PPIP5K2: variants seen among roughly 807,000 people sequenced by gnomAD.
PPIP5K2 encodes diphosphoinositol pentakisphosphate kinase 2.
Under a neutral mutation model 154.6 loss-of-function variants are expected in PPIP5K2, and 105 were observed. That is an observed-to-expected ratio of 0.68 (90% CI 0.58 to 0.80). The LOEUF (loss-of-function observed/expected upper bound fraction) is 0.80. Among genes scored for constraint, PPIP5K2 ranks in the 30% least tolerant of loss-of-function variants. The pLI, the probability that PPIP5K2 is intolerant of heterozygous loss-of-function variation, is 0.00. For missense variants in PPIP5K2, 992 were observed against 1,504.6 expected, an observed-to-expected ratio of 0.66 and a Z score of 5.64; for synonymous variants, 480 against 490.3, an observed-to-expected ratio of 0.98 and a Z score of 0.28.
At chr5:103,192,966 A>T (rs1024300518) in intron 29 of PPIP5K2, among the ~76,000 whole-genome samples, 1 of 152,166 alleles carries the variant, frequency 6.6e-6, no homozygotes, top group Non-Finnish European at 1.5e-5. Context: ...TGTATTCCCA[A>T]GAGTCTTTGG....
At chr5:103,188,505 T>C (rs1315552402) in intron 28 of PPIP5K2, 1 of 152,132 alleles carries the variant, frequency 6.6e-6, no homozygotes, top group Non-Finnish European at 1.5e-5. Context: ...CAAGTAAAAA[T>C]TTAGCCTTAA....
At chr5:103,170,550 T>A (rs1446420396) in intron 19 of PPIP5K2, among the ~76,000 whole-genome samples, 1 of 151,620 alleles carries the variant, frequency 6.6e-6, no homozygotes, top group Non-Finnish European at 1.5e-5. Context: ...TCTTTTTATA[T>A]GCTTCCCTGG....
chr5:103,173,838 C>CTTTT lies in PPIP5K2; in HGVS notation c.2415-19_2415-18insTTTT. 1 of 1,417,076 alleles carries CTTTT rather than the reference C, an allele frequency of 7.1e-7. No individual in the cohort carries two copies. The highest frequency in any genetic ancestry group is 1.2e-5 in the South Asian group (1 of 85,240). 87.8% of individuals were successfully genotyped at this position (1,417,076 alleles called of 1,614,324 possible). A position where few individuals can be genotyped will look rare whatever the true frequency, so the allele number is the denominator to read the frequency against. ...TTGATTATATGGTTATGTTTGAACA[C>CTTTT]TGTCTGCTTCTAATTTTAGGTATTC... is the stretch of plus-strand genomic sequence containing the variant. On this transcript the variant is annotated intron_variant, in intron 20 of 30. Coordinates refer to ENST00000358359, the MANE Select transcript of PPIP5K2 (RefSeq NM_001276277.3).
At chr5:103,158,808 A>G (rs1795797758) in intron 16 of PPIP5K2, among the ~76,000 whole-genome samples, 2 of 151,986 alleles carry the variant, frequency 1.3e-5, no homozygotes, top group Non-Finnish European at 2.9e-5. Context: ...TCACACCTGT[A>G]GTCCCAGCAG....
At chr5:103,145,761 T>C (rs1337005661) in intron 5 of PPIP5K2, among the ~76,000 whole-genome samples, 1 of 146,606 alleles carries the variant, frequency 6.8e-6, no homozygotes, top group Non-Finnish European at 1.5e-5. Context: ...GAAGTGAGGA[T>C]AGTTAGTGAG....
At chr5:103,191,123 A>G in intron 29 of PPIP5K2, 141 bp downstream of exon 29, 1 of 657,410 alleles carries the variant, frequency 1.5e-6, no homozygotes, top group Non-Finnish European at 2.4e-6. Context: ...GGACATTATT[A>G]GGAATTCTTT....
Position 103,177,691 on chromosome 5 carries a change from C to G in PPIP5K2, c.2554C>G (p.Arg852Gly). Residue 852 changes from arginine (R) to glycine (G), a missense_variant, in exon 22 of 31, where the codon CGA (arginine) becomes GGA (glycine). Physicochemically the swap from Arg to Gly is moderately radical, Grantham distance 125. This residue lies in a region of PPIP5K2 where 157 missense variants were observed against 281.2 expected (regional missense o/e 0.56). Coordinates refer to ENST00000358359, the MANE Select transcript of PPIP5K2 (RefSeq NM_001276277.3). ...GGAATCAAAGGATGAACAGTGGAAA[C>G]GAGCTATGGATTATTTAAACGTTGT... ...CNESKDEQWKRAMDYLNVVNE... is the reference protein window; with the variant it reads ...CNESKDEQWKGAMDYLNVVNE... 6.2e-7 allele frequency: 1 copy of G among 1,609,280 alleles called. No homozygotes were observed. Among genetic ancestry groups the G allele is most frequent in the Non-Finnish European group, 8.5e-7 (1 of 1,177,958 alleles).
intron 27 of PPIP5K2, among the ~76,000 whole-genome samples, chr5:103,186,803 G>T (rs1194225610): frequency 6.6e-6 from 1 of 152,100 alleles, no homozygotes; most frequent in Non-Finnish European, 1.5e-5. Context: ...TAATTAAAGT[G>T]AGTGGAATGT....
At chr5:103,184,591 C>A in intron 25 of PPIP5K2, 81 bp from the exon 26 acceptor site, 2 of 1,027,930 alleles carry the variant, frequency 1.9e-6, no homozygotes, top group East Asian at 2.5e-5. Flanking sequence ...CTTTGTCTGT[C>A]TGGAACAGGC....
chr5:103,178,908 T>C (rs966730770), intron 23 of PPIP5K2, among the ~76,000 whole-genome samples: 8 of 151,908 alleles, frequency 5.3e-5, no homozygotes. Context: ...TATGATAAAT[T>C]AAATTTCATT....
In PPIP5K2 at chr5:103,203,359, A is replaced by G. The variant is rs1803276523; in HGVS notation, c.*1725A>G. The G allele has an allele frequency of 6.6e-6, 1 of 152,194 alleles. No homozygotes were observed. Among genetic ancestry groups the G allele is most frequent in the East Asian group, 1.9e-4 (1 of 5,190 alleles). The allele number at this position is 152,194 out of a possible 1,614,324, so 9.4% of individuals were successfully genotyped here. A position where few individuals can be genotyped will look rare whatever the true frequency, so the allele number is the denominator to read the frequency against. On this transcript the variant is annotated 3_prime_UTR_variant, in exon 31 of 31. Transcript: ENST00000358359. ...TATACATAGCAATATATTACTTTCC[A>G]AACTAGAAAGTACAGTACAACTAAC...
At chr5:103,129,737 A>T in intron 2 of PPIP5K2, 34 bp downstream of exon 2, 2 of 1,570,336 alleles carry the variant, frequency 1.3e-6, no homozygotes, top group Non-Finnish European at 1.7e-6. Context: ...GCGAGAGAAG[A>T]CCAATACAGT....
intron 5 of PPIP5K2, among the ~76,000 whole-genome samples, chr5:103,144,157 A>G (rs970595194): frequency 1.1e-4 from 15 of 131,382 alleles, no homozygotes; most frequent in Admixed American, 5.7e-4. Context: ...AAAAGAAACT[A>G]AAAAAAAAAA....
At chr5:103,159,049 A>G (rs1376939637) in intron 16 of PPIP5K2, 97 bp from the exon 17 acceptor site, 2 of 862,250 alleles carry the variant, frequency 2.3e-6, no homozygotes, top group Non-Finnish European at 3.3e-6. Context: ...TATTTATGAT[A>G]AACTTAACTT....
At chr5:103,173,020 C>A in intron 19 of PPIP5K2, 135 bp from the exon 20 acceptor site, 1 of 633,622 alleles carries the variant, frequency 1.6e-6, no homozygotes, top group Non-Finnish European at 2.5e-6. Flanking sequence ...GCAAAAAATG[C>A]AAACTCGGAG....
At chr5:103,129,822 A>G in intron 2 of PPIP5K2, 119 bp downstream of exon 2, 1 of 1,280,296 alleles carries the variant, frequency 7.8e-7, no homozygotes, top group East Asian at 2.8e-5. Context: ...ATTTTGTTTC[A>G]TGACTGATGT....
rs143320056 is a variant in PPIP5K2, at chr5:103,198,696, G to A, written c.3620-2826G>A. Among the ~76,000 whole-genome samples the A allele has an allele frequency of 4.8e-3, 726 of 152,176 alleles. 6 individuals are homozygous for A. The highest frequency in any genetic ancestry group is 0.017 in the African/African-American group (711 of 41,534). On this transcript the variant is annotated intron_variant, in intron 30 of 30. Coordinates refer to ENST00000358359, the MANE Select transcript of PPIP5K2 (RefSeq NM_001276277.3). ...AATGTTTTGTTTTATTTTGTCTGAT[G>A]TGATATAGCTCAACAAACTTTATTT...
At position 103,203,495 on chromosome 5, in the gene PPIP5K2, A is replaced by G; in HGVS notation, c.*1861A>G. 1 of 152,194 alleles carries G rather than the reference A, an allele frequency of 6.6e-6. No homozygotes were observed. The allele number at this position is 152,194 out of a possible 1,614,324, so 9.4% of individuals were successfully genotyped here. A position where few individuals can be genotyped will look rare whatever the true frequency, so the allele number is the denominator to read the frequency against. ...TAAAAATCTTAGAATCACTTTCCAAAACAAATAAAAAGTCTACTGTATCAG... is the reference window on the plus strand; with the variant it reads ...TAAAAATCTTAGAATCACTTTCCAAGACAAATAAAAAGTCTACTGTATCAG... On this transcript the variant is annotated 3_prime_UTR_variant, in exon 31 of 31. Coordinates refer to ENST00000358359, the MANE Select transcript of PPIP5K2 (RefSeq NM_001276277.3).
At chr5:103,142,258 TC>T (rs1554207153) in intron 5 of PPIP5K2, among the ~76,000 whole-genome samples, 1 of 152,152 alleles carries the variant, frequency 6.6e-6, no homozygotes, top group Non-Finnish European at 1.5e-5. Context: ...CAGTACACCC[TC>T]CGCAGCCACT....
Sources: allele counts gnomAD v4.1 joint callset (sites outside exome capture counted in the v4.1 genomes callset), GRCh38; gene constraint gnomAD v4.1.1; regional missense constraint gnomAD v4.1.1; transcripts MANE v1.5; gene names NCBI Gene and HGNC (gene_info 2026-07-23, HGNC 2026-07-21).